The following SYCP2 variants were observed in gnomAD, a reference collection of about 807,000 sequenced individuals.
SYCP2 encodes synaptonemal complex lateral element protein.
SYCP2 carries 55 observed loss-of-function variants against 211.3 expected under a neutral mutation model. That is an observed-to-expected ratio of 0.26 (90% confidence interval 0.21 to 0.33). The LOEUF is 0.33. Ranked by LOEUF, SYCP2 falls within the 10% of genes least tolerant of loss-of-function variation. The pLI is 1.00. For missense variants in SYCP2, 1,731 were observed against 1,752.0 expected (o/e 0.99, Z 0.21); for synonymous variants, 570 against 555.2 (o/e 1.03, Z -0.37).
At chr20:59,928,116 T>TAA (rs2060667737) in intron 2 of SYCP2, among the ~76,000 whole-genome samples, 1 of 152,146 alleles carries the variant, frequency 6.6e-6, no homozygotes, top group Non-Finnish European at 1.5e-5. Context: ...AATATAGGAC[T>TAA]AATGAAGGTT....
rs1342581481 is a variant in SYCP2 at position 59,900,794 on chromosome 20, A to C, written c.1207T>G (p.Ser403Ala). 6.2e-6 allele frequency: 10 copies of C among 1,612,272 alleles called. No homozygotes were observed. Among genetic ancestry groups the C allele is most frequent in the Admixed American group, 3.3e-5 (2 of 59,894 alleles). The change falls in exon 17 of 45, where the codon TCA (serine) becomes GCA (alanine). Residue 403 changes from serine to alanine, a missense_variant. This residue lies in a region of SYCP2 where 1,387 missense variants were observed against 1,351.3 expected (regional missense o/e 1.03). Coordinates refer to ENST00000357552, the MANE Select transcript of SYCP2 (RefSeq NM_014258.4). ...HRESIRKQGI[S>A]VAKTSLHILF... ...ATATGCAGCGACGTTTTGGCAACTG[A>C]AATACCTTGTTTTCTGATAGATTCC...
intron 24 of SYCP2, among the ~76,000 whole-genome samples, chr20:59,888,180 C>T (rs1269844026): frequency 6.6e-6 from 1 of 151,936 alleles, no homozygotes; most frequent in East Asian, 1.9e-4. Context: ...CCCCTTAATA[C>T]CAAAACCAAA....
chr20:59,927,392 C>G (rs2060653031), intron 2 of SYCP2, among the ~76,000 whole-genome samples: 1 of 152,066 alleles, frequency 6.6e-6, no homozygotes, highest in Non-Finnish European at 1.5e-5. Context: ...ACATCAAAGG[C>G]TCTACCATAT....
chr20:59,868,871 A>G lies in SYCP2; in HGVS notation c.3796T>C (p.Trp1266Arg). The change falls in exon 37 of 45, where the codon TGG becomes CGG. Residue 1266 changes from tryptophan (W) to arginine (R), a missense_variant. Coordinates refer to ENST00000357552, the MANE Select transcript of SYCP2 (RefSeq NM_014258.4). ...SKSSEGREKT[W>R]FDMPCDATHV... ...GTAGCATCACAGGGCATGTCAAACC[A>G]CGTTTTCTCTCTTCCTTCACTAGAC... is the stretch of plus-strand genomic sequence containing the variant. 6.2e-7 allele frequency: 1 copy of G among 1,610,312 alleles called. No individual in the cohort carries two copies. The highest frequency in any genetic ancestry group is 8.5e-7 in the Non-Finnish European group (1 of 1,177,808).
At chr20:59,925,298 C>T (rs192425695) in intron 2 of SYCP2, among the ~76,000 whole-genome samples, 3 of 152,040 alleles carry the variant, frequency 2.0e-5, no homozygotes, top group Non-Finnish European at 4.4e-5. Flanking sequence ...TGCAGCAAAC[C>T]ACCATGACAC....
intron 21 of SYCP2, 91 bp from the exon 22 acceptor site, chr20:59,893,290 C>A (rs2059944008): frequency 2.2e-6 from 2 of 897,728 alleles, no homozygotes; most frequent in South Asian, 1.6e-5. Flanking sequence ...TAAAGGTTCA[C>A]ATATTGGGAT....
At position 59,868,552 on chromosome 20, in the gene SYCP2, A is replaced by G. The variant is rs778791913; in HGVS notation, c.3849T>C (p.Leu1283=). The G allele has an allele frequency of 2.5e-6, 4 of 1,602,992 alleles. No individual in the cohort carries two copies. Among genetic ancestry groups the G allele is most frequent in the Admixed American group, 3.5e-5 (2 of 57,478 alleles). ...ATHVSGPTQH[L]SRKRIYIEDN... ...CTTCTATATATATTCTTTTGCGACT[A>G]AGATGTTGGGTGGGGCCTTAGGAAC... Residue 1283 remains leucine (L), a synonymous_variant, in exon 38 of 45, where the codon CTT becomes CTC. Transcript: ENST00000357552.
In SYCP2 at chr20:59,893,586, T is replaced by C; in HGVS notation, c.1673A>G (p.Lys558Arg). Reference sequence around the variant, plus strand: ...TGTGTTTTCTACACACTTAGCAGTTTTGATATGCTGTAAACACAGGAAACA... The same window carrying C: ...TGTGTTTTCTACACACTTAGCAGTTCTGATATGCTGTAAACACAGGAAACA... ...HRRDNIDKHI[K>R]TAKCVENTEN... Residue 558 changes from lysine to arginine, a missense_variant, in exon 21 of 45, where the codon AAA (lysine) becomes AGA (arginine). This residue lies in a region of SYCP2 where 1,387 missense variants were observed against 1,351.3 expected (regional missense o/e 1.03). Coordinates refer to ENST00000357552, the MANE Select transcript of SYCP2 (RefSeq NM_014258.4). The C allele has an allele frequency of 6.2e-7, 1 of 1,608,130 alleles. No homozygotes were observed. The highest frequency in any genetic ancestry group is 1.1e-5 in the South Asian group (1 of 90,338).
chr20:59,867,242 T>TAAAAACTG (rs1381467414), intron 39 of SYCP2, among the ~76,000 whole-genome samples: 2 of 150,660 alleles, frequency 1.3e-5, no homozygotes, highest in East Asian at 3.9e-4. Flanking sequence ...TACTAATAAT[T>TAAAAACTG]AAAAACTGTT....
At position 59,880,168 on chromosome 20, in the gene SYCP2, C is replaced by G. The variant is rs2059648450; in HGVS notation, c.2941+135G>C. 9.2e-6 allele frequency: 6 copies of G among 650,632 alleles called. No homozygotes were observed. In the South Asian group the frequency reaches 1.5e-4, roughly 16 times the overall value. The allele number at this position is 650,632 out of a possible 1,614,324, so 40.3% of individuals were successfully genotyped here. On this transcript the variant is annotated intron_variant, in intron 31 of 44. Coordinates refer to ENST00000357552, the MANE Select transcript of SYCP2 (RefSeq NM_014258.4). ...TAAAATAAAACAAAAAACATAAAAA[C>G]TAGTGTTTTGTCCTATCCATGAAAG... is the stretch of plus-strand genomic sequence containing the variant.
At chr20:59,906,044 A>G (rs1314570794) in intron 15 of SYCP2, among the ~76,000 whole-genome samples, 3 of 152,158 alleles carry the variant, frequency 2.0e-5, no homozygotes, top group Non-Finnish European at 4.4e-5. Flanking sequence ...GACTTATACA[A>G]TGAAAACTAT....
chr20:59,893,239 T>G (rs1294976558), intron 21 of SYCP2, 40 bp from the exon 22 acceptor site: 1 of 1,398,442 alleles, frequency 7.2e-7, no homozygotes. Context: ...ATTTTTTTCA[T>G]GCAGTTGGCA....
chr20:59,893,778 G>T (rs972956121), intron 20 of SYCP2, among the ~76,000 whole-genome samples, 185 bp from the exon 21 acceptor site: 1 of 151,888 alleles, frequency 6.6e-6, no homozygotes, highest in Non-Finnish European at 1.5e-5. Context: ...AACACAAGAA[G>T]AAAACTGTCA....
At chr20:59,914,763 C>T (rs1268724986) in intron 10 of SYCP2, among the ~76,000 whole-genome samples, 2 of 151,280 alleles carry the variant, frequency 1.3e-5, no homozygotes, top group African/African-American at 4.8e-5. Context: ...TATTAGACAC[C>T]CTAATTTCAT....
intron 2 of SYCP2, among the ~76,000 whole-genome samples, chr20:59,923,057 T>C (rs1178849047): frequency 1.3e-5 from 2 of 151,946 alleles, no homozygotes; most frequent in Non-Finnish European, 2.9e-5. Flanking sequence ...TTAAAGACCA[T>C]GGGATGCAAA....
intron 15 of SYCP2, among the ~76,000 whole-genome samples, chr20:59,903,507 G>A (rs1381750711): frequency 3.3e-5 from 5 of 152,002 alleles, no homozygotes; most frequent in Non-Finnish European, 7.4e-5. Flanking sequence ...TGAGAGAGAG[G>A]AGGAAGATAC....
At chr20:59,919,051 G>T in intron 7 of SYCP2, 107 bp downstream of exon 7, 1 of 570,778 alleles carries the variant, frequency 1.8e-6, no homozygotes, top group Non-Finnish European at 3.1e-6. Flanking sequence ...CCTTGAATCA[G>T]ATAATGAGTT....
chr20:59,902,341 A>G (rs1311422576), intron 15 of SYCP2, among the ~76,000 whole-genome samples: 1 of 152,138 alleles, frequency 6.6e-6, no homozygotes, highest in East Asian at 1.9e-4. Context: ...CAGTAAACAG[A>G]GAATACAGCA....
intron 10 of SYCP2, 100 bp from the exon 11 acceptor site, chr20:59,914,351 G>T (rs1357626426): frequency 1.2e-5 from 7 of 590,144 alleles, no homozygotes; most frequent in South Asian, 1.2e-4. Context: ...AGAGAAATAA[G>T]AATATATTAA....
Sources: gnomAD v4.1 joint callset for allele counts (sites outside exome capture counted in the v4.1 genomes callset) on GRCh38, gnomAD v4.1.1 for gene constraint, gnomAD v4.1.1 regional missense constraint, MANE v1.5 for transcripts, NCBI Gene and HGNC (gene_info 2026-07-23, HGNC 2026-07-21) for gene names.